Variants in GFRA1 observed in about 807,000 individuals in gnomAD.
GFRA1 encodes GDNF family receptor alpha-1.
A neutral mutation model predicts 51.6 loss-of-function variants in GFRA1; 16 were observed. That is an observed-to-expected ratio of 0.31 (90% confidence interval 0.21 to 0.47). GFRA1 has a LOEUF of 0.47. Ranked by LOEUF, GFRA1 falls within the 20% of genes least tolerant of loss-of-function variation. The probability of loss-of-function intolerance (pLI) is 1.00; values close to 1 mark genes in which losing one functional copy is unlikely to be tolerated. For synonymous variants in GFRA1, 270 were observed against 241.3 expected, an observed-to-expected ratio of 1.12 and a Z score of -1.10; for missense variants, 530 against 594.3, an observed-to-expected ratio of 0.89 and a Z score of 1.13.
intron 5 of GFRA1, among the ~76,000 whole-genome samples, chr10:116,149,153 A>T (rs1440732917): frequency 1.3e-5 from 2 of 152,216 alleles, no homozygotes; most frequent in East Asian, 3.9e-4. Flanking sequence ...TGTTATAGCC[A>T]ATTATTGAGG....
At chr10:116,064,620 C>T in intron 10 of GFRA1, 76 bp from the exon 11 acceptor site, 1 of 1,335,568 alleles carries the variant, frequency 7.5e-7, no homozygotes, top group South Asian at 1.2e-5. Context: ...ACTCTCTCTC[C>T]CCCCGACTCC....
chr10:116,187,609 G>T (rs1351195829), intron 5 of GFRA1, among the ~76,000 whole-genome samples: 1 of 152,090 alleles, frequency 6.6e-6, no homozygotes, highest in Non-Finnish European at 1.5e-5. Context: ...AGAATGCAAG[G>T]GTTGACTTTT....
upstream of GFRA1, among the ~76,000 whole-genome samples, chr10:116,273,644 ACACTCT>A (rs58898820): frequency 0.77 from 113,279 of 146,380 alleles, 45,064 homozygotes; most frequent in Non-Finnish European, 0.89. Flanking sequence ...CCAGACACAC[ACACTCT>A]CTCTCTCTCT....
intron 5 of GFRA1, among the ~76,000 whole-genome samples, chr10:116,166,869 G>A (rs998631269): frequency 2.4e-5 from 3 of 123,516 alleles, no homozygotes; most frequent in Admixed American, 1.1e-4. Flanking sequence ...GTGCGATCTC[G>A]GCACACTGCA....
intron 5 of GFRA1, among the ~76,000 whole-genome samples, chr10:116,198,973 C>G (rs903175638): frequency 6.6e-6 from 1 of 152,114 alleles, no homozygotes; most frequent in Non-Finnish European, 1.5e-5. Flanking sequence ...CATACAGAGA[C>G]AAAGACCATG....
intron 5 of GFRA1, among the ~76,000 whole-genome samples, chr10:116,160,040 C>A (rs558320020): frequency 5.3e-5 from 8 of 152,290 alleles, no homozygotes; most frequent in African/African-American, 1.9e-4. Context: ...TTTTCCTGGC[C>A]AACATATAAA....
intron 5 of GFRA1, among the ~76,000 whole-genome samples, chr10:116,202,842 A>T (rs1964446094): frequency 6.6e-6 from 1 of 152,184 alleles, no homozygotes; most frequent in African/African-American, 2.4e-5. Context: ...AATCCAAATC[A>T]TGTTACATCC....
At position 116,146,626 on chromosome 10, in the gene GFRA1, T is replaced by C. The variant is rs79860039; in HGVS notation, c.434-21069A>G. Reference sequence around the variant, plus strand: ...AGCCATCCACCACTCCACAGGGACATCTAGCAATAACTTAGCAATACACAG... The same window carrying C: ...AGCCATCCACCACTCCACAGGGACACCTAGCAATAACTTAGCAATACACAG... On this transcript the variant is annotated intron_variant, in intron 5 of 10. Transcript: ENST00000355422. Among the ~76,000 whole-genome samples, 1,128 of 152,272 alleles carry C rather than the reference T, an allele frequency of 7.4e-3. 23 individuals are homozygous for C. Among genetic ancestry groups the C allele is most frequent in the African/African-American group, 0.025 (1,055 of 41,558 alleles).
chr10:116,125,816 CG>C (rs1448329558), intron 5 of GFRA1, among the ~76,000 whole-genome samples: 1 of 152,220 alleles, frequency 6.6e-6, no homozygotes, highest in East Asian at 1.9e-4. Context: ...GGCCAAAACT[CG>C]GGCACCTGCC....
intron 4 of GFRA1, among the ~76,000 whole-genome samples, chr10:116,218,070 A>G (rs989224637): frequency 2.6e-5 from 4 of 152,172 alleles, no homozygotes; most frequent in African/African-American, 9.7e-5. Flanking sequence ...TGAATGGATT[A>G]TTTTTAAGCC....
rs1028027735 is a variant in GFRA1, at chr10:116,060,303, T to C, written c.*4095A>G. On this transcript the variant is annotated 3_prime_UTR_variant, in exon 11 of 11. Coordinates refer to ENST00000355422, the MANE Select transcript of GFRA1 (RefSeq NM_005264.8). Reference sequence around the variant, plus strand: ...TAGCTTCTAAGGGTATCCAACCAAATCCCCACTTGTTTTATTTTAGAATTT... The same window carrying C: ...TAGCTTCTAAGGGTATCCAACCAAACCCCCACTTGTTTTATTTTAGAATTT... 3 of 152,106 alleles carry C rather than the reference T, an allele frequency of 2.0e-5. No individual in the cohort carries two copies. Among genetic ancestry groups the C allele is most frequent in the Admixed American group, 6.6e-5 (1 of 15,266 alleles). The allele number at this position is 152,106 out of a possible 1,614,324, so 9.4% of individuals were successfully genotyped here.
chr10:116,270,110 A>G (rs1843783912), intron 3 of GFRA1, among the ~76,000 whole-genome samples: 1 of 152,204 alleles, frequency 6.6e-6, no homozygotes, highest in African/African-American at 2.4e-5. Context: ...GTCTCAGTCA[A>G]GAATGAACAC....
At chr10:116,196,707 T>TATATAGTACTATATATTATATATATA (rs1565643900) in intron 5 of GFRA1, among the ~76,000 whole-genome samples, 20 of 33,124 alleles carry the variant, frequency 6.0e-4, no homozygotes, top group African/African-American at 3.2e-3. Context: ...TAATATATAT[T>TATATAGTACTATATATTATATATATA]ATATATAGTA....
chr10:116,149,821 C>G (rs1180494925), intron 5 of GFRA1, among the ~76,000 whole-genome samples: 2 of 152,044 alleles, frequency 1.3e-5, no homozygotes, highest in African/African-American at 4.8e-5. Context: ...ATTATCAAAC[C>G]ATTATGATTA....
At chr10:116,177,863 A>G (rs1961783015) in intron 5 of GFRA1, among the ~76,000 whole-genome samples, 1 of 152,158 alleles carries the variant, frequency 6.6e-6, no homozygotes, top group Non-Finnish European at 1.5e-5. Context: ...TGAGCTGGAA[A>G]GGGAATGTGC....
At chr10:116,133,956 G>A (rs934649853) in intron 5 of GFRA1, among the ~76,000 whole-genome samples, 2 of 152,146 alleles carry the variant, frequency 1.3e-5, no homozygotes, top group African/African-American at 4.8e-5. Flanking sequence ...TATCACTGTG[G>A]CCAGCAGCCC....
At chr10:116,136,811 A>G (rs72834599) in intron 5 of GFRA1, among the ~76,000 whole-genome samples, 11,193 of 152,220 alleles carry the variant, frequency 0.074, 694 homozygotes, top group African/African-American at 0.17. Context: ...TGGGACTTTA[A>G]AAGCCAAATA....
chr10:116,112,600 G>C (rs905713138), intron 6 of GFRA1, among the ~76,000 whole-genome samples: 4 of 152,178 alleles, frequency 2.6e-5, no homozygotes, highest in Non-Finnish European at 4.4e-5. Flanking sequence ...GCAGCCCAGA[G>C]TTCTGCCTGA....
chr10:116,271,232 T>C (rs1197089982), intron 2 of GFRA1, 117 bp from the exon 3 acceptor site: 1 of 781,604 alleles, frequency 1.3e-6, no homozygotes, highest in Non-Finnish European at 2.0e-6. Context: ...GGGGGCGCCC[T>C]GCTCTGGGAG....
Sources: gnomAD v4.1 joint callset for allele counts (sites outside exome capture counted in the v4.1 genomes callset) on GRCh38, gnomAD v4.1.1 for gene constraint, MANE v1.5 for transcripts, NCBI Gene and HGNC (gene_info 2026-07-23, HGNC 2026-07-21) for gene names.